Variants in SLC24A2 observed in about 807,000 individuals in gnomAD.
SLC24A2 encodes the protein sodium/potassium/calcium exchanger 2.
A neutral mutation model predicts 62.0 loss-of-function variants in SLC24A2; 36 were observed. That is an observed-to-expected ratio of 0.58 (90% CI 0.44 to 0.77). The LOEUF (loss-of-function observed/expected upper bound fraction) is 0.77, where lower values mean the gene tolerates loss of function less well. Ranked by LOEUF, SLC24A2 falls within the 30% of genes least tolerant of loss-of-function variation. The probability of loss-of-function intolerance (pLI) is 0.00; values close to 1 mark genes in which losing one functional copy is unlikely to be tolerated. For missense variants in SLC24A2, 846 were observed against 817.9 expected, an observed-to-expected ratio of 1.03 and a Z score of -0.42; for synonymous variants, 358 against 294.0, an observed-to-expected ratio of 1.22 and a Z score of -2.23.
At chr9:20,304,107 A>G in the SLC24A2 span, among the ~76,000 whole-genome samples, 1 of 152,194 alleles carries the variant, frequency 6.6e-6, no homozygotes. Flanking sequence ...TATCTGATTA[A>G]AGAGGCTAGC....
the SLC24A2 span, among the ~76,000 whole-genome samples, chr9:19,873,534 T>TTCTCTTTCTTTCTTTCTTTCTCTCTC: frequency 8.2e-6 from 1 of 121,608 alleles, no homozygotes; most frequent in African/African-American, 2.7e-5. Context: ...CTTCCTTTCT[T>TTCTCTTTCTTTCTTTCTTTCTCTCTC]TCTCTTTCTT....
At chr9:19,727,885 G>A (rs187791790) in intron 2 of SLC24A2, among the ~76,000 whole-genome samples, 90 of 152,268 alleles carry the variant, frequency 5.9e-4, no homozygotes, top group Admixed American at 3.9e-3. Flanking sequence ...TCTCAGAGGG[G>A]AAAGGGGCTA....
At chr9:19,567,140 TATA>T (rs1474891873) in intron 7 of SLC24A2, among the ~76,000 whole-genome samples, 1 of 138,892 alleles carries the variant, frequency 7.2e-6, no homozygotes, top group African/African-American at 2.7e-5. Flanking sequence ...GAACTTAAAG[TATA>T]ATAAAAAAAA....
At chr9:19,749,246 A>T (rs1012779260) in intron 2 of SLC24A2, among the ~76,000 whole-genome samples, 2 of 152,068 alleles carry the variant, frequency 1.3e-5, no homozygotes, top group African/African-American at 4.8e-5. Context: ...ATGAGATAAA[A>T]GAACAGCATA....
the SLC24A2 span, among the ~76,000 whole-genome samples, chr9:19,925,334 A>G: frequency 6.6e-6 from 1 of 152,230 alleles, no homozygotes; most frequent in East Asian, 1.9e-4. Context: ...GGCACAGACA[A>G]AAAGGAATGT....
chr9:19,550,471 T>TAAGA (rs1834790288), intron 7 of SLC24A2, among the ~76,000 whole-genome samples: 1 of 152,218 alleles, frequency 6.6e-6, no homozygotes, highest in African/African-American at 2.4e-5. Context: ...CATGAGCATG[T>TAAGA]AAGAATTTTC....
intron 3 of SLC24A2, among the ~76,000 whole-genome samples, chr9:19,621,089 A>G (rs1015188122): frequency 2.0e-5 from 3 of 152,252 alleles, no homozygotes; most frequent in Admixed American, 1.3e-4. Context: ...AACTTGATTA[A>G]CTTGGGCAGT....
intron 8 of SLC24A2, among the ~76,000 whole-genome samples, chr9:19,529,386 T>C (rs1451470033): frequency 2.0e-5 from 3 of 152,212 alleles, no homozygotes; most frequent in Non-Finnish European, 4.4e-5. Flanking sequence ...TCTCTATTGC[T>C]CCAAACCAGG....
intron 9 of SLC24A2, among the ~76,000 whole-genome samples, chr9:19,526,522 G>A (rs1833453730): frequency 6.6e-6 from 1 of 152,134 alleles, no homozygotes; most frequent in Non-Finnish European, 1.5e-5. Context: ...GTTAGGTTCT[G>A]TCTTTTTGAT....
At chr9:20,140,084 A>G in the SLC24A2 span, among the ~76,000 whole-genome samples, 8 of 152,354 alleles carry the variant, frequency 5.3e-5, no homozygotes, top group East Asian at 1.5e-3. Flanking sequence ...ACCCTAAGGA[A>G]CCATAAATCA....
At chr9:19,929,160 T>C in the SLC24A2 span, 1 of 152,212 alleles carries the variant, frequency 6.6e-6, no homozygotes, top group Non-Finnish European at 1.5e-5. Context: ...CTAGATGATC[T>C]GGTAGTTTCT....
intron 2 of SLC24A2, among the ~76,000 whole-genome samples, chr9:19,776,656 AGC>A (rs1403730482): frequency 6.6e-6 from 1 of 152,200 alleles, no homozygotes; most frequent in African/African-American, 2.4e-5. Flanking sequence ...AGCATGCTTA[AGC>A]TAAAATTATT....
the SLC24A2 span, among the ~76,000 whole-genome samples, chr9:19,912,412 A>C: frequency 6.6e-6 from 1 of 152,150 alleles, no homozygotes; most frequent in Non-Finnish European, 1.5e-5. Context: ...GATTTAAATC[A>C]GGTATAGGTT....
At chr9:19,787,433 T>C (rs1436604887) in intron 1 of SLC24A2, among the ~76,000 whole-genome samples, 1 of 152,246 alleles carries the variant, frequency 6.6e-6, no homozygotes, top group Admixed American at 6.5e-5. Context: ...CAGAACTGTC[T>C]AGGTACTTGG....
At chr9:19,948,222 C>A in the SLC24A2 span, among the ~76,000 whole-genome samples, 6 of 152,334 alleles carry the variant, frequency 3.9e-5, no homozygotes, top group East Asian at 1.2e-3. Flanking sequence ...TCTGTGACTG[C>A]TGGAAGGATA....
At chr9:19,645,061 C>T (rs1426965110) in intron 2 of SLC24A2, among the ~76,000 whole-genome samples, 2 of 152,068 alleles carry the variant, frequency 1.3e-5, no homozygotes, top group African/African-American at 4.8e-5. Context: ...TTTTGTATAG[C>T]TTTTTTTAGA....
chr9:19,787,282 T>A (rs1006504598), intron 1 of SLC24A2, among the ~76,000 whole-genome samples: 3 of 152,154 alleles, frequency 2.0e-5, no homozygotes, highest in Non-Finnish European at 4.4e-5. Flanking sequence ...TAAACCCAAA[T>A]AAATATTTTG....
At chr9:19,766,827 GGA>G (rs1426925524) in intron 2 of SLC24A2, among the ~76,000 whole-genome samples, 1 of 152,200 alleles carries the variant, frequency 6.6e-6, no homozygotes, top group African/African-American at 2.4e-5. Flanking sequence ...TGCTGTGCTG[GGA>G]GATCTGCTGC....
the SLC24A2 span, among the ~76,000 whole-genome samples, chr9:20,107,137 G>A: frequency 6.6e-6 from 1 of 152,156 alleles, no homozygotes; most frequent in Admixed American, 6.5e-5. Context: ...CAACTTACAA[G>A]GGATGTGAAG....
Sources: allele counts gnomAD v4.1 joint callset (sites outside exome capture counted in the v4.1 genomes callset), GRCh38; gene constraint gnomAD v4.1.1; transcripts MANE v1.5; gene names NCBI Gene and HGNC (gene_info 2026-07-23, HGNC 2026-07-21).